The following CDKL4 variants were observed in gnomAD, a reference collection of about 807,000 sequenced individuals.
The protein encoded by CDKL4 is cyclin dependent kinase like 4.
A neutral mutation model predicts 42.0 loss-of-function variants in CDKL4; 44 were observed. The ratio of observed to expected loss-of-function variants is 1.05; its 90% CI spans 0.82 to 1.35. The LOEUF (loss-of-function observed/expected upper bound fraction) is 1.35. CDKL4 is among the 40% of genes most tolerant of loss of function. The pLI is 0.00. For synonymous variants in CDKL4, 120 were observed against 121.6 expected (o/e 0.99, Z 0.09); for missense variants, 393 against 369.9 (o/e 1.06, Z -0.51).
chr2:39,178,792 C>G (rs1294067817), intron 9 of CDKL4: 1 of 1,570,046 alleles, frequency 6.4e-7, no homozygotes, highest in African/African-American at 1.4e-5. Flanking sequence ...GTCAAGTTAC[C>G]GTTATTGCAC....
chr2:39,236,290 A>C (rs900379776), intron 1 of CDKL4, among the ~76,000 whole-genome samples: 1 of 152,182 alleles, frequency 6.6e-6, no homozygotes, highest in Non-Finnish European at 1.5e-5. Flanking sequence ...CAAGATGAAC[A>C]GAGCCTCAGA....
intron 3 of CDKL4, among the ~76,000 whole-genome samples, chr2:39,216,832 A>G: frequency 6.6e-6 from 1 of 152,312 alleles, no homozygotes; most frequent in African/African-American, 2.4e-5. Context: ...GGAATGGAGA[A>G]TGAAGTAATT....
intron 5 of CDKL4, among the ~76,000 whole-genome samples, chr2:39,193,295 C>A (rs965373495): frequency 6.7e-6 from 1 of 149,938 alleles, no homozygotes; most frequent in Non-Finnish European, 1.5e-5. Flanking sequence ...AGAATTATTC[C>A]TTTAGGATGA....
At chr2:39,173,527 G>A (rs1263549720), downstream of CDKL4, among the ~76,000 whole-genome samples, 1 of 151,606 alleles carries the variant, frequency 6.6e-6, no homozygotes, top group Non-Finnish European at 1.5e-5. Flanking sequence ...AAATTAGCTG[G>A]AGCCGGGCGC....
intron 7 of CDKL4, among the ~76,000 whole-genome samples, chr2:39,186,411 T>C (rs751395779): frequency 2.6e-5 from 4 of 152,192 alleles, no homozygotes; most frequent in Admixed American, 1.3e-4. Context: ...TCCAGCATAG[T>C]TGGAGTGTGG....
chr2:39,226,735 C>T (rs143868107), intron 2 of CDKL4, among the ~76,000 whole-genome samples: 33 of 151,896 alleles, frequency 2.2e-4, no homozygotes, highest in Admixed American at 7.2e-4. Flanking sequence ...ATGGTCACTC[C>T]GTCTGTAACT....
downstream of CDKL4, among the ~76,000 whole-genome samples, chr2:39,171,525 C>A (rs1674999934): frequency 6.6e-6 from 1 of 152,188 alleles, no homozygotes; most frequent in South Asian, 2.1e-4. Flanking sequence ...CAAGTTGGAA[C>A]AATTACATTC....
intron 5 of CDKL4, among the ~76,000 whole-genome samples, chr2:39,201,711 T>C (rs1187000202): frequency 6.6e-6 from 1 of 152,112 alleles, no homozygotes; most frequent in Non-Finnish European, 1.5e-5. Context: ...ACCATTATTC[T>C]AACCATTATT....
intron 3 of CDKL4, among the ~76,000 whole-genome samples, chr2:39,221,344 T>C (rs1678357078): frequency 6.6e-6 from 1 of 152,094 alleles, no homozygotes; most frequent in South Asian, 2.1e-4. Flanking sequence ...CACACACCAG[T>C]TATTTATCCT....
At chr2:39,186,731 G>GA (rs1271440316) in intron 7 of CDKL4, among the ~76,000 whole-genome samples, 8 of 151,836 alleles carry the variant, frequency 5.3e-5, no homozygotes, top group African/African-American at 1.9e-4. Flanking sequence ...TTTACAAGCC[G>GA]AAAAAATTTT....
chr2:39,190,295 C>T lies in CDKL4; in HGVS notation c.652+10G>A, dbSNP rs1355426170. On this transcript the variant is annotated intron_variant, in intron 6 of 9. Transcript: ENST00000451199. Reference sequence around the variant, plus strand: ...TCAGCAACTCTGTTGCCATAAAATGCAATTCATACCTAGTGTTCTGATTAT... The same window carrying T: ...TCAGCAACTCTGTTGCCATAAAATGTAATTCATACCTAGTGTTCTGATTAT... 1 of 1,608,098 alleles carries T rather than the reference C, an allele frequency of 6.2e-7. No individual in the cohort carries two copies.
chr2:39,219,619 C>T (rs934965759), intron 3 of CDKL4, among the ~76,000 whole-genome samples: 21 of 152,018 alleles, frequency 1.4e-4, no homozygotes, highest in African/African-American at 4.6e-4. Context: ...CGGGATTTCA[C>T]CCTGTTGCCC....
intron 3 of CDKL4, among the ~76,000 whole-genome samples, chr2:39,223,009 G>C (rs1678473523): frequency 6.6e-6 from 1 of 151,802 alleles, no homozygotes; most frequent in Non-Finnish European, 1.5e-5. Flanking sequence ...ACAGAAATTT[G>C]AGAAAATTTG....
intron 8 of CDKL4, among the ~76,000 whole-genome samples, chr2:39,183,386 G>T (rs1485265431): frequency 6.6e-6 from 1 of 152,174 alleles, no homozygotes; most frequent in Non-Finnish European, 1.5e-5. Flanking sequence ...TGCACTGAGA[G>T]GATTCTTGGG....
chr2:39,184,327 T>C (rs1221011097), intron 8 of CDKL4, among the ~76,000 whole-genome samples: 1 of 152,240 alleles, frequency 6.6e-6, no homozygotes, highest in Admixed American at 6.5e-5. Context: ...TTGGCGTCTC[T>C]CTTGGGCCTA....
intron 3 of CDKL4, among the ~76,000 whole-genome samples, chr2:39,219,321 T>C (rs1229794246): frequency 6.6e-6 from 1 of 152,226 alleles, no homozygotes; most frequent in Non-Finnish European, 1.5e-5. Flanking sequence ...GGATATCTGA[T>C]GTAATGAGGA....
intron 6 of CDKL4, among the ~76,000 whole-genome samples, chr2:39,188,425 G>A (rs1675959395): frequency 6.6e-6 from 1 of 151,706 alleles, no homozygotes; most frequent in African/African-American, 2.4e-5. Flanking sequence ...AGCTGAGTGT[G>A]GTGGTGCGCA....
chr2:39,225,861 C>T lies in CDKL4; in HGVS notation c.268G>A (p.Glu90Lys), dbSNP rs777693618. 3 of 1,605,338 alleles carry T rather than the reference C, an allele frequency of 1.9e-6. No individual in the cohort carries two copies. The Admixed American group carries it at 5.1e-5, about 27-fold the overall frequency. ...TACCCATTTGGGTTTCTTTCCAGCT[C>T]ATTTAAAAGTGTATGATCACAGTAT... Residue 90 changes from glutamate (E) to lysine (K), a missense_variant, in exon 3 of 10, where the codon GAG becomes AAG. Glu to Lys is a moderately conservative substitution (Grantham distance 56). Coordinates refer to ENST00000451199, the Ensembl canonical transcript of CDKL4.
chr2:39,231,712 A>G (rs564742515), intron 1 of CDKL4, among the ~76,000 whole-genome samples: 1 of 152,232 alleles, frequency 6.6e-6, no homozygotes, highest in Admixed American at 6.5e-5. Context: ...ATAGTAATAG[A>G]TGGCTGGAAA....
Sources: gnomAD v4.1 joint callset for allele counts (sites outside exome capture counted in the v4.1 genomes callset) on GRCh38, gnomAD v4.1.1 for gene constraint, MANE v1.5 for transcripts, NCBI Gene and HGNC (gene_info 2026-07-23, HGNC 2026-07-21) for gene names.